MLC1: variants seen among roughly 807,000 people sequenced by gnomAD.
MLC1 encodes modulator of VRAC current 1.
A neutral mutation model predicts 44.7 loss-of-function variants in MLC1; 32 were observed. The ratio of observed to expected loss-of-function variants is 0.72; its 90% CI spans 0.54 to 0.96. The LOEUF (loss-of-function observed/expected upper bound fraction) is 0.96, where lower values mean the gene tolerates loss of function less well. Ranked by LOEUF, MLC1 falls within the 40% of genes least tolerant of loss-of-function variation. MLC1 has a pLI of 0.00. For missense variants in MLC1, 459 were observed against 492.2 expected (o/e 0.93, Z 0.64); for synonymous variants, 190 against 213.0 (o/e 0.89, Z 0.94).
rs1454036852 is a variant in MLC1 at position 50,083,396 on chromosome 22, GGA to G, written c.178-225_178-224del. 2.6e-5 allele frequency among the ~76,000 whole-genome samples: 4 copies of G among 152,022 alleles called. No homozygotes were observed. Among genetic ancestry groups the G allele is most frequent in the Non-Finnish European group, 5.9e-5 (4 of 68,014 alleles). ...TGGACCAGCCTCCCCCAGCCATGTCGGAGCATGGACCCCCCACGCTGTTATCT... is the reference window on the plus strand; with the variant it reads ...TGGACCAGCCTCCCCCAGCCATGTCGGCATGGACCCCCCACGCTGTTATCT... On this transcript the variant is annotated intron_variant, in intron 2 of 11. Coordinates refer to ENST00000311597, the MANE Select transcript of MLC1 (RefSeq NM_015166.4). The surrounding 1 kb of genome is among the most constrained non-coding windows in gnomAD (Gnocchi z 4.6).
intron 9 of MLC1, 39 bp from the exon 10 acceptor site, chr22:50,068,594 C>T (rs745387671): frequency 1.3e-6 from 2 of 1,556,224 alleles, no homozygotes; most frequent in Admixed American, 1.7e-5. Flanking sequence ...ACGGCCGGAG[C>T]CTGGGAGCCC....
At chr22:50,062,326 C>T (rs908560721) in intron 11 of MLC1, among the ~76,000 whole-genome samples, 1 of 150,458 alleles carries the variant, frequency 6.6e-6, no homozygotes, top group African/African-American at 2.4e-5. Context: ...GAGCCCCAGC[C>T]GCCCACCCTG....
At chr22:50,061,948 G>A (rs1006897037) in intron 11 of MLC1, among the ~76,000 whole-genome samples, 19 of 152,226 alleles carry the variant, frequency 1.2e-4, no homozygotes, top group African/African-American at 4.6e-4. Flanking sequence ...CGGGGAGCGG[G>A]GGGAGGCCGC....
chr22:50,070,552 G>A lies in MLC1; in HGVS notation c.746C>T (p.Ala249Val), dbSNP rs1343464375. ...CAGACACTTGCTGGGACACTCTGCT[G>A]CCACATGACTGGCAATGGCACTTGG... Reference protein sequence around the residue: ...CFPSAIASHVAAECPSKCLVE... With the variant: ...CFPSAIASHVVAECPSKCLVE... The change falls in exon 9 of 12, where the codon GCA becomes GTA. Residue 249 changes from alanine to valine, a missense_variant. Ala to Val is a moderately conservative substitution (Grantham distance 64, BLOSUM62 0). Coordinates refer to ENST00000311597, the MANE Select transcript of MLC1 (RefSeq NM_015166.4). The A allele has an allele frequency of 1.3e-6, 2 of 1,565,640 alleles. No individual in the cohort carries two copies. Among genetic ancestry groups the A allele is most frequent in the African/African-American group, 1.4e-5 (1 of 74,016 alleles).
At chr22:50,069,571 G>C (rs1038907912) in intron 9 of MLC1, among the ~76,000 whole-genome samples, 1 of 151,842 alleles carries the variant, frequency 6.6e-6, no homozygotes, top group African/African-American at 2.4e-5. Context: ...GCTTGAACCC[G>C]GGAGGCAGAG....
chr22:50,068,614 G>A (rs1160895311), intron 9 of MLC1, 59 bp from the exon 10 acceptor site: 15 of 1,592,296 alleles, frequency 9.4e-6, no homozygotes, highest in Non-Finnish European at 1.3e-5. Context: ...CAGGACAGCG[G>A]GCGTGGCCAG....
At chr22:50,076,352 C>G (rs1400370282) in intron 7 of MLC1, among the ~76,000 whole-genome samples, 7 of 152,028 alleles carry the variant, frequency 4.6e-5, no homozygotes, top group African/African-American at 7.2e-5. Flanking sequence ...GTCAGGAGTT[C>G]GAGACCAGCC....
intron 8 of MLC1, 147 bp from the exon 9 acceptor site, chr22:50,070,730 G>C: frequency 4.8e-6 from 4 of 826,436 alleles, no homozygotes; most frequent in Non-Finnish European, 8.0e-6. Flanking sequence ...AGTGCCCAAA[G>C]GCGCAGCTGG....
At position 50,080,368 on chromosome 22, in the gene MLC1, G is replaced by T. The variant is rs143871356; in HGVS notation, c.297C>A (p.Thr99=). ...CCACATTGGCGTTCCTCCTGGAGAC[G>T]GTGAAGCTCACAATTGCCGAGGGGA... ...SCIPSAIVSF[T]VSRRNANVIP... The change falls in exon 4 of 12, where the codon ACC becomes ACA. Residue 99 remains threonine (T), a synonymous_variant. Transcript: ENST00000311597. The T allele has an allele frequency of 1.9e-6, 3 of 1,607,810 alleles. No individual in the cohort carries two copies. The Admixed American group carries it at 5.0e-5, about 27-fold the overall frequency.
intron 2 of MLC1, among the ~76,000 whole-genome samples, chr22:50,084,141 T>C (rs1241915808): frequency 6.6e-6 from 1 of 152,158 alleles, no homozygotes; most frequent in Non-Finnish European, 1.5e-5. Context: ...AGCATGGCTC[T>C]GAGCAGCTGC....
chr22:50,078,243 G>A (rs995077149), intron 5 of MLC1, among the ~76,000 whole-genome samples: 5 of 151,522 alleles, frequency 3.3e-5, no homozygotes, highest in African/African-American at 9.7e-5. Context: ...CGCCCACCTC[G>A]GCCTCCCAAA....
chr22:50,064,018 C>G lies in MLC1; in HGVS notation c.1059+16G>C, dbSNP rs5771338. ...ACTCACCTCCCCAGTGCCCCCTCCCCCTGCAGGCCACTCACCTCCCCAGCC... is the reference window on the plus strand; with the variant it reads ...ACTCACCTCCCCAGTGCCCCCTCCCGCTGCAGGCCACTCACCTCCCCAGCC... On this transcript the variant is annotated intron_variant, in intron 11 of 11. Coordinates refer to ENST00000311597, the MANE Select transcript of MLC1 (RefSeq NM_015166.4). The G allele has an allele frequency of 6.6e-7, 1 of 1,509,886 alleles. No homozygotes were observed. Among genetic ancestry groups the G allele is most frequent in the East Asian group, 2.3e-5 (1 of 42,864 alleles). The allele number at this position is 1,509,886 out of a possible 1,614,324, so 93.5% of individuals were successfully genotyped here. A position where few individuals can be genotyped will look rare whatever the true frequency, so the allele number is the denominator to read the frequency against.
In MLC1 at chr22:50,074,308, A is replaced by G. The variant is rs778349575; in HGVS notation, c.622T>C (p.Ser208Pro). ...YSVVEVIAGI[S>P]AVLGGIIALN... Reference sequence around the variant, plus strand: ...GCAATGATCCCCCCGAGGACGGCAGAGATGCCTGCGATTACCTCGACGACC... The same window carrying G: ...GCAATGATCCCCCCGAGGACGGCAGGGATGCCTGCGATTACCTCGACGACC... Residue 208 changes from serine (S) to proline (P), a missense_variant, in exon 8 of 12, where the codon TCT (serine) becomes CCT (proline). Physicochemically the swap from Ser to Pro is moderately conservative, Grantham distance 74. Coordinates refer to ENST00000311597, the MANE Select transcript of MLC1 (RefSeq NM_015166.4). The G allele has an allele frequency of 1.9e-6, 3 of 1,613,992 alleles. No individual in the cohort carries two copies. In the African/African-American group the frequency reaches 4.0e-5, roughly 22 times the overall value.
rs1032495335 is a variant in MLC1, at chr22:50,077,325, C to T, written c.525+76G>A. 13 of 1,329,236 alleles carry T rather than the reference C, an allele frequency of 9.8e-6. No individual in the cohort carries two copies. The African/African-American group carries it at 1.0e-4, about 10-fold the overall frequency. The allele number at this position is 1,329,236 out of a possible 1,614,324, so 82.3% of individuals were successfully genotyped here. On this transcript the variant is annotated intron_variant, in intron 6 of 11. Transcript: ENST00000311597. Reference sequence around the variant, plus strand: ...GCCCAGATCGGCCCTCCGAGGGTGACGCTGAGACCCACCTCGCTCACCCTG... The same window carrying T: ...GCCCAGATCGGCCCTCCGAGGGTGATGCTGAGACCCACCTCGCTCACCCTG...
intron 3 of MLC1, 128 bp downstream of exon 3, chr22:50,082,956 T>C: frequency 1.0e-6 from 1 of 952,500 alleles, no homozygotes; most frequent in Non-Finnish European, 1.7e-6. Context: ...TGAGCCACTG[T>C]GCCCGGCCCA....
At chr22:50,077,250 G>T in intron 6 of MLC1, 151 bp downstream of exon 6, 2 of 764,504 alleles carry the variant, frequency 2.6e-6, no homozygotes, top group Non-Finnish European at 4.4e-6. Context: ...CTCCTGGCCG[G>T]GGTTTCTGAG....
In MLC1 at chr22:50,080,372, A is replaced by C. The variant is rs778174880; in HGVS notation, c.293T>G (p.Phe98Cys). 2 of 1,607,786 alleles carry C rather than the reference A, an allele frequency of 1.2e-6. No individual in the cohort carries two copies. The highest frequency in any genetic ancestry group is 1.7e-6 in the Non-Finnish European group (2 of 1,177,082). The change falls in exon 4 of 12, where the codon TTC becomes TGC. Residue 98 changes from phenylalanine to cysteine, a missense_variant. Coordinates refer to ENST00000311597, the MANE Select transcript of MLC1 (RefSeq NM_015166.4). The stretch of plus-strand genomic sequence containing the variant: ...ATTGGCGTTCCTCCTGGAGACGGTG[A>C]AGCTCACAATTGCCGAGGGGATGCA... The part of the protein sequence containing the change: ...GSCIPSAIVS[F>C]TVSRRNANVI...
chr22:50,079,670 G>A (rs985252160), intron 5 of MLC1, among the ~76,000 whole-genome samples: 1 of 151,800 alleles, frequency 6.6e-6, no homozygotes, highest in Non-Finnish European at 1.5e-5. Context: ...ATAGTATTAT[G>A]TCACTGTTAA....
chr22:50,063,254 C>G lies in MLC1; in HGVS notation c.1059+780G>C, dbSNP rs1357654405. ...CTTTGGGAGGCCAAGGCAGGCGGAT[C>G]ATGAGGTCAGGAGTTCGAGACCAGT... On this transcript the variant is annotated intron_variant, in intron 11 of 11. Transcript: ENST00000311597. 3.3e-5 allele frequency among the ~76,000 whole-genome samples: 5 copies of G among 152,058 alleles called. No individual in the cohort carries two copies. In the East Asian group the frequency reaches 9.6e-4, roughly 29 times the overall value.
Sources: gnomAD v4.1 joint callset for allele counts (sites outside exome capture counted in the v4.1 genomes callset) on GRCh38, gnomAD v4.1.1 for gene constraint, Gnocchi (gnomAD v3.1) non-coding constraint, MANE v1.5 for transcripts, NCBI Gene and HGNC (gene_info 2026-07-23, HGNC 2026-07-21) for gene names.